ANKRD6: variants seen among roughly 807,000 people sequenced by gnomAD.
ANKRD6 encodes ankyrin repeat domain-containing protein 6.
Under a neutral mutation model 82.3 loss-of-function variants are expected in ANKRD6, and 56 were observed. That is an observed-to-expected ratio of 0.68 (90% CI 0.55 to 0.85). The LOEUF is 0.85. Ranked by LOEUF, ANKRD6 falls within the 40% of genes least tolerant of loss-of-function variation. The probability of loss-of-function intolerance (pLI) is 0.00; values close to 1 mark genes in which losing one functional copy is unlikely to be tolerated. For synonymous variants in ANKRD6, 347 were observed against 352.1 expected (o/e 0.99, Z 0.16); for missense variants, 852 against 907.6 (o/e 0.94, Z 0.79).
Position 89,623,513 on chromosome 6 carries a change from A to T in ANKRD6, c.1001A>T (p.Lys334Met). The T allele has an allele frequency of 6.3e-7, 1 of 1,589,950 alleles. No homozygotes were observed. Reference sequence around the variant, plus strand: ...TCAGCCTCCCCAGAACCCAGAGCAAAGGATGACAGGAGGAGAAAGTCAAGG... The same window carrying T: ...TCAGCCTCCCCAGAACCCAGAGCAATGGATGACAGGAGGAGAAAGTCAAGG... ...FLSASPEPRA[K>M]DDRRRKSRPK... Residue 334 changes from lysine to methionine, a missense_variant, in exon 11 of 16, where the codon AAG becomes ATG. Lys to Met is a moderately conservative substitution (Grantham distance 95). Coordinates refer to ENST00000339746, the MANE Select transcript of ANKRD6 (RefSeq NM_001242809.2).
intron 1 of ANKRD6, among the ~76,000 whole-genome samples, chr6:89,485,739 T>C (rs1031218900): frequency 2.6e-5 from 4 of 152,134 alleles, no homozygotes; most frequent in Admixed American, 1.3e-4. Context: ...GTGTCTAAAT[T>C]TTTTGGTAGG....
rs554052355 is a variant in ANKRD6 at position 89,631,299 on chromosome 6, A to C, written c.*295A>C. 1 of 272,976 alleles carries C rather than the reference A, an allele frequency of 3.7e-6. No homozygotes were observed. The highest frequency in any genetic ancestry group is 1.0e-4 in the South Asian group (1 of 9,602). The allele number at this position is 272,976 out of a possible 1,614,324, so 16.9% of individuals were successfully genotyped here. A position where few individuals can be genotyped will look rare whatever the true frequency, so the allele number is the denominator to read the frequency against. ...AGCTCAGATTAAGCAAGCCATGCCAAGAAACTGGACGATGTGTAAGCCTAG... is the reference window on the plus strand; with the variant it reads ...AGCTCAGATTAAGCAAGCCATGCCACGAAACTGGACGATGTGTAAGCCTAG... On this transcript the variant is annotated 3_prime_UTR_variant, in exon 16 of 16. Coordinates refer to ENST00000339746, the MANE Select transcript of ANKRD6 (RefSeq NM_001242809.2).
rs557897592 is a variant in ANKRD6 at position 89,578,223 on chromosome 6, A to G, written c.120+11127A>G. Among the ~76,000 whole-genome samples the G allele has an allele frequency of 2.6e-5, 4 of 151,666 alleles. No homozygotes were observed. The South Asian group carries it at 8.3e-4, about 32-fold the overall frequency. ...GAGCCAGGAGAACGACATGGGACAC[A>G]TGAGACTGTTAACATTGGCTGCCTA... is the stretch of plus-strand genomic sequence containing the variant. On this transcript the variant is annotated intron_variant, in intron 2 of 15. Coordinates refer to ENST00000339746, the MANE Select transcript of ANKRD6 (RefSeq NM_001242809.2).
intron 1 of ANKRD6, among the ~76,000 whole-genome samples, chr6:89,537,250 T>G (rs1200346057): frequency 6.6e-6 from 1 of 152,148 alleles, no homozygotes; most frequent in Non-Finnish European, 1.5e-5. Context: ...ATAATTAAAA[T>G]AATAATTAAA....
chr6:89,545,226 A>G lies in ANKRD6; in HGVS notation c.-143-21608A>G, dbSNP rs72927333. Reference sequence around the variant, plus strand: ...AGACTCCATCTCAAAAAAAAAAAAAAAAAAGAAAAGAAAAAGGGCTGTTTC... The same window carrying G: ...AGACTCCATCTCAAAAAAAAAAAAAGAAAAGAAAAGAAAAAGGGCTGTTTC... On this transcript the variant is annotated intron_variant, in intron 1 of 15. Coordinates refer to ENST00000339746, the MANE Select transcript of ANKRD6 (RefSeq NM_001242809.2). Among the ~76,000 whole-genome samples, 80 of 149,204 alleles carry G rather than the reference A, an allele frequency of 5.4e-4. 1 individual carries two copies. The highest frequency in any genetic ancestry group is 7.4e-4 in the Admixed American group (11 of 14,944).
At chr6:89,446,984 T>G (rs554582768) in intron 1 of ANKRD6, among the ~76,000 whole-genome samples, 2 of 152,320 alleles carry the variant, frequency 1.3e-5, no homozygotes, top group African/African-American at 4.8e-5. Flanking sequence ...CCTGCGGAAC[T>G]GAGTCAATTA....
intron 5 of ANKRD6, 98 bp downstream of exon 5, chr6:89,606,203 GC>G: frequency 1.1e-6 from 1 of 948,260 alleles, no homozygotes; most frequent in Non-Finnish European, 1.5e-6. Flanking sequence ...AAGAGTGAGA[GC>G]CCAGAGTGGC....
intron 1 of ANKRD6, among the ~76,000 whole-genome samples, chr6:89,536,208 C>T (rs1783806374): frequency 6.6e-6 from 1 of 152,092 alleles, no homozygotes; most frequent in Non-Finnish European, 1.5e-5. Context: ...CCAGCCTGAG[C>T]GAAGTAGCGA....
At chr6:89,570,061 A>ATGTGTGTGTG (rs1322156749) in intron 2 of ANKRD6, among the ~76,000 whole-genome samples, 165 of 72,892 alleles carry the variant, frequency 2.3e-3, no homozygotes, top group African/African-American at 7.7e-3. Context: ...GTATGTGTGT[A>ATGTGTGTGTG]TATGTGTGTG....
chr6:89,567,087 G>C lies in ANKRD6; in HGVS notation c.111G>C (p.Ala37=). ...VQLINKGARV[A]VTKHGRTPLH... ...TCATCAACAAGGGCGCCAGGGTAGCGGTTACCAAGGTAACAAGAGAAAAAT... is the reference window on the plus strand; with the variant it reads ...TCATCAACAAGGGCGCCAGGGTAGCCGTTACCAAGGTAACAAGAGAAAAAT... Residue 37 remains alanine (A), a synonymous_variant, in exon 2 of 16, where the codon GCG becomes GCC. Coordinates refer to ENST00000339746, the MANE Select transcript of ANKRD6 (RefSeq NM_001242809.2). 6.3e-7 allele frequency: 1 copy of C among 1,595,560 alleles called. No homozygotes were observed. Among genetic ancestry groups the C allele is most frequent in the Non-Finnish European group, 8.5e-7 (1 of 1,170,450 alleles).
intron 2 of ANKRD6, among the ~76,000 whole-genome samples, chr6:89,577,474 G>A (rs558026523): frequency 6.6e-6 from 1 of 152,152 alleles, no homozygotes; most frequent in African/African-American, 2.4e-5. Flanking sequence ...AGCTAATTTT[G>A]TTACCTCAGT....
chr6:89,447,854 A>ATTTTTT (rs530068070), intron 1 of ANKRD6, among the ~76,000 whole-genome samples: 4 of 119,010 alleles, frequency 3.4e-5, no homozygotes, highest in South Asian at 2.6e-4. Context: ...CGCCCAGCTA[A>ATTTTTT]TTTTTTTTTT....
chr6:89,493,022 C>A (rs1450161130), intron 1 of ANKRD6, among the ~76,000 whole-genome samples: 3 of 152,146 alleles, frequency 2.0e-5, no homozygotes, highest in Non-Finnish European at 4.4e-5. Flanking sequence ...AGAAATAATT[C>A]AAGCTTGTTG....
chr6:89,533,421 T>C (rs1783429208), intron 1 of ANKRD6, among the ~76,000 whole-genome samples: 1 of 152,194 alleles, frequency 6.6e-6, no homozygotes, highest in South Asian at 2.1e-4. Flanking sequence ...ATGAGATAAG[T>C]AGCCCTTGGA....
At chr6:89,577,902 T>G (rs958836681) in intron 2 of ANKRD6, among the ~76,000 whole-genome samples, 6 of 152,254 alleles carry the variant, frequency 3.9e-5, no homozygotes, top group Non-Finnish European at 7.3e-5. Context: ...CAAAGGTTGT[T>G]TTATGCAAGT....
intron 2 of ANKRD6, among the ~76,000 whole-genome samples, chr6:89,593,418 C>T (rs1325332054): frequency 6.6e-6 from 1 of 152,240 alleles, no homozygotes; most frequent in Non-Finnish European, 1.5e-5. Flanking sequence ...GGTTAGGGAG[C>T]ACATGGCTGA....
chr6:89,589,778 G>A (rs1295737591), intron 2 of ANKRD6, among the ~76,000 whole-genome samples: 1 of 152,248 alleles, frequency 6.6e-6, no homozygotes, highest in African/African-American at 2.4e-5. Context: ...CCCCAGTGGT[G>A]TGGACAGTGG....
rs1425061115 is a variant in ANKRD6, at chr6:89,633,147, G to C, written c.*2143G>C. The C allele has an allele frequency of 6.6e-6, 1 of 152,102 alleles. No individual in the cohort carries two copies. The highest frequency in any genetic ancestry group is 2.4e-5 in the African/African-American group (1 of 41,398). The allele number at this position is 152,102 out of a possible 1,614,324, so 9.4% of individuals were successfully genotyped here. Reference sequence around the variant, plus strand: ...AAGAGACTACAGAAGAATGAGAAGGGTCAAAAGGACCTAGTGTGGCTTACT... The same window carrying C: ...AAGAGACTACAGAAGAATGAGAAGGCTCAAAAGGACCTAGTGTGGCTTACT... On this transcript the variant is annotated 3_prime_UTR_variant, in exon 16 of 16. Transcript: ENST00000339746.
At chr6:89,531,144 G>A (rs1348424289) in intron 1 of ANKRD6, among the ~76,000 whole-genome samples, 3 of 152,242 alleles carry the variant, frequency 2.0e-5, no homozygotes, top group Non-Finnish European at 4.4e-5. Context: ...GGGCCTGTGA[G>A]CATGCATCCG....
Sources: gnomAD v4.1 joint callset for allele counts (sites outside exome capture counted in the v4.1 genomes callset) on GRCh38, gnomAD v4.1.1 for gene constraint, MANE v1.5 for transcripts, NCBI Gene and HGNC (gene_info 2026-07-23, HGNC 2026-07-21) for gene names.